The following MTUS2 variants were observed in gnomAD, a reference collection of about 807,000 sequenced individuals.
MTUS2 encodes microtubule associated scaffold protein 2.
A neutral mutation model predicts 114.1 loss-of-function variants in MTUS2; 40 were observed. The observed-to-expected ratio is 0.35, with a 90% CI of 0.27 to 0.46. MTUS2 has a LOEUF of 0.46. Among genes scored for constraint, MTUS2 ranks in the 20% least tolerant of loss-of-function variants. The pLI is 1.00. For synonymous variants in MTUS2, 688 were observed against 672.0 expected (o/e 1.02, Z -0.37); for missense variants, 1,679 against 1,705.4 (o/e 0.98, Z 0.27).
At chr13:28,919,135 A>G (rs945898427) in intron 2 of MTUS2, among the ~76,000 whole-genome samples, 7 of 152,064 alleles carry the variant, frequency 4.6e-5, no homozygotes, top group South Asian at 2.1e-4. Context: ...AAAATATTCT[A>G]TGTTTTTCTG....
chr13:29,102,914 T>C (rs1890481989), intron 5 of MTUS2, among the ~76,000 whole-genome samples: 1 of 152,194 alleles, frequency 6.6e-6, no homozygotes, highest in Non-Finnish European at 1.5e-5. Context: ...TATATATCTT[T>C]CCAACAAAGC....
intron 6 of MTUS2, among the ~76,000 whole-genome samples, chr13:29,312,352 A>G (rs141434253): frequency 1.4e-3 from 216 of 152,368 alleles, no homozygotes; most frequent in African/African-American, 5.0e-3. Context: ...AATATATGAT[A>G]AATGAATGAA....
At chr13:29,224,186 G>C (rs916990525) in intron 5 of MTUS2, among the ~76,000 whole-genome samples, 3 of 152,146 alleles carry the variant, frequency 2.0e-5, no homozygotes, top group Admixed American at 2.0e-4. Context: ...TGGCCATAAA[G>C]GTTTCTGGCC....
chr13:29,318,222 G>A (rs1262214871), intron 6 of MTUS2, among the ~76,000 whole-genome samples: 1 of 147,396 alleles, frequency 6.8e-6, no homozygotes, highest in Non-Finnish European at 1.5e-5. Flanking sequence ...GCAGCCTATT[G>A]TATGTGAGAT....
intron 4 of MTUS2, among the ~76,000 whole-genome samples, chr13:29,065,932 C>A (rs1348240320): frequency 6.6e-6 from 1 of 151,984 alleles, no homozygotes; most frequent in African/African-American, 2.4e-5. Flanking sequence ...ACCTGACATG[C>A]AAAGCCCCCT....
At chr13:29,214,408 T>C (rs1193080111) in intron 5 of MTUS2, among the ~76,000 whole-genome samples, 1 of 152,206 alleles carries the variant, frequency 6.6e-6, no homozygotes, top group East Asian at 1.9e-4. Flanking sequence ...ATCATGATGC[T>C]AGTTGGTTAT....
chr13:29,103,241 A>G (rs1462176215), intron 5 of MTUS2, among the ~76,000 whole-genome samples: 1 of 152,194 alleles, frequency 6.6e-6, no homozygotes, highest in East Asian at 1.9e-4. Context: ...TCTGAGAAGT[A>G]TGTTGTTAGG....
intron 2 of MTUS2, among the ~76,000 whole-genome samples, chr13:28,855,909 A>G (rs976792299): frequency 3.3e-5 from 5 of 151,992 alleles, no homozygotes; most frequent in African/African-American, 4.8e-5. Flanking sequence ...AAGCGTTCCT[A>G]TTTCTCCACA....
intron 2 of MTUS2, among the ~76,000 whole-genome samples, chr13:29,005,165 C>T (rs74045513): frequency 2.0e-3 from 299 of 152,252 alleles, no homozygotes; most frequent in African/African-American, 6.5e-3. Context: ...GCTTAATGTA[C>T]GTAGGGTGAG....
chr13:28,882,111 G>C (rs909594041), intron 2 of MTUS2, among the ~76,000 whole-genome samples: 1 of 151,958 alleles, frequency 6.6e-6, no homozygotes, highest in South Asian at 2.1e-4. Context: ...CCAGGCTGGA[G>C]TGCGGCAGCA....
intron 2 of MTUS2, among the ~76,000 whole-genome samples, chr13:28,984,878 A>T (rs2138309907): frequency 6.6e-6 from 1 of 152,376 alleles, no homozygotes; most frequent in Non-Finnish European, 1.5e-5. Context: ...AAATAGCTTC[A>T]TACATTTGGG....
chr13:28,848,772 A>G (rs1161918993), intron 2 of MTUS2, among the ~76,000 whole-genome samples: 1 of 152,170 alleles, frequency 6.6e-6, no homozygotes, highest in East Asian at 1.9e-4. Context: ...ATGTCAACCT[A>G]CAAGGATTTG....
At chr13:29,318,310 A>G (rs182460157) in intron 6 of MTUS2, among the ~76,000 whole-genome samples, 78 of 148,314 alleles carry the variant, frequency 5.3e-4, no homozygotes, top group Middle Eastern at 3.7e-3. Flanking sequence ...AGTATATAGC[A>G]TTCTCTTAAA....
intron 2 of MTUS2, among the ~76,000 whole-genome samples, chr13:29,000,885 C>T (rs4511378): frequency 0.018 from 2,702 of 152,254 alleles, 80 homozygotes; most frequent in African/African-American, 0.061. Flanking sequence ...CTTCCTTCTA[C>T]GCAGCCCACT....
intron 5 of MTUS2, among the ~76,000 whole-genome samples, chr13:29,154,597 G>A (rs549247325): frequency 3.3e-5 from 5 of 152,316 alleles, no homozygotes; most frequent in South Asian, 4.1e-4. Context: ...CAGACAAAAA[G>A]CCAAAGTGTT....
chr13:29,277,097 A>G (rs976654413), intron 5 of MTUS2, among the ~76,000 whole-genome samples: 22 of 152,158 alleles, frequency 1.4e-4, no homozygotes, highest in Non-Finnish European at 2.8e-4. Flanking sequence ...AGGTATTGAC[A>G]GTGCCACCCA....
intron 5 of MTUS2, among the ~76,000 whole-genome samples, chr13:29,134,094 T>C (rs1316493276): frequency 1.3e-5 from 2 of 152,202 alleles, no homozygotes; most frequent in Non-Finnish European, 2.9e-5. Flanking sequence ...TTTTTATTTT[T>C]TTTGTCTCTA....
intron 11 of MTUS2, among the ~76,000 whole-genome samples, chr13:29,490,941 A>C (rs7324267): frequency 0.9 from 136,933 of 152,128 alleles, 62,192 homozygotes; most frequent in East Asian, 0.98. Context: ...AACAAAGGAT[A>C]TGACTTGGGC....
intron 4 of MTUS2, among the ~76,000 whole-genome samples, chr13:29,067,632 A>G (rs765741090): frequency 1.3e-5 from 2 of 152,190 alleles, no homozygotes; most frequent in Non-Finnish European, 2.9e-5. Flanking sequence ...GTGCTGATGG[A>G]TAAAAGAGCC....
Sources: gnomAD v4.1 joint callset for allele counts (sites outside exome capture counted in the v4.1 genomes callset) on GRCh38, gnomAD v4.1.1 for gene constraint, MANE v1.5 for transcripts, NCBI Gene and HGNC (gene_info 2026-07-23, HGNC 2026-07-21) for gene names.